The following UBOX5 variants were observed in gnomAD, a reference collection of about 807,000 sequenced individuals.
UBOX5 encodes the protein RING finger protein 37.
UBOX5 carries 28 observed loss-of-function variants against 39.0 expected under a neutral mutation model. That is an observed-to-expected ratio of 0.72 (90% CI 0.53 to 0.98). UBOX5 has a LOEUF of 0.98. UBOX5 is among the 50% of genes least tolerant of loss of function. The probability of loss-of-function intolerance (pLI) is 0.00; values close to 1 mark genes in which losing one functional copy is unlikely to be tolerated. For missense variants in UBOX5, 585 were observed against 674.4 expected (o/e 0.87, Z 1.47); for synonymous variants, 283 against 275.5 (o/e 1.03, Z -0.27).
chr20:3,125,109 C>A (rs2066370690), intron 1 of UBOX5, among the ~76,000 whole-genome samples: 2 of 149,908 alleles, frequency 1.3e-5, no homozygotes. Flanking sequence ...CTCTGCCCGG[C>A]CGCCCCGTCT....
intron 1 of UBOX5, among the ~76,000 whole-genome samples, chr20:3,138,505 T>C (rs1432307796): frequency 1.3e-5 from 2 of 152,104 alleles, no homozygotes; most frequent in Non-Finnish European, 2.9e-5. Flanking sequence ...CTGAGATTTA[T>C]GTTCAGAGTA....
At chr20:3,120,684 G>A (rs2066328402) in intron 3 of UBOX5, among the ~76,000 whole-genome samples, 2 of 151,680 alleles carry the variant, frequency 1.3e-5, no homozygotes, top group Non-Finnish European at 2.9e-5. Flanking sequence ...TTTACCTGGT[G>A]GATCCTGCCA....
Position 3,122,125 on chromosome 20 carries a change from G to A in UBOX5, c.514C>T (p.His172Tyr), listed in dbSNP as rs376891201. 5 of 1,614,136 alleles carry A rather than the reference G, an allele frequency of 3.1e-6. No homozygotes were observed. In the African/African-American group the frequency reaches 5.3e-5, roughly 17 times the overall value. The change falls in exon 3 of 5, where the codon CAC (histidine) becomes TAC (tyrosine). Residue 172 changes from histidine (H) to tyrosine (Y), a missense_variant. Coordinates refer to ENST00000217173, the MANE Select transcript of UBOX5 (RefSeq NM_014948.4). ...ACATGGGTGATACAGATCCTTAAGT[G>A]GGCCACGTGGCTAAGGGAAAGAGCC... Reference protein sequence around the residue: ...KGALSLSHVAHLRICITHVTG... With the variant: ...KGALSLSHVAYLRICITHVTG...
Position 3,122,281 on chromosome 20 carries a change from T to C in UBOX5, c.358A>G (p.Lys120Glu). 1 of 1,614,250 alleles carries C rather than the reference T, an allele frequency of 6.2e-7. No individual in the cohort carries two copies. The highest frequency in any genetic ancestry group is 1.1e-5 in the South Asian group (1 of 91,090). The change falls in exon 3 of 5, where the codon AAA (lysine) becomes GAA (glutamate). Residue 120 changes from lysine (K) to glutamate (E), a missense_variant. Coordinates refer to ENST00000217173, the MANE Select transcript of UBOX5 (RefSeq NM_014948.4). ...TGGCTCTGGTTTTTCAGTAAGACTT[T>C]GCCTACCAAGGTGAACGCCTCCTTG... ...PDKEAFTLVG[K>E]VLLKNQSQVV...
At chr20:3,151,525 C>G (rs980437377) in intron 1 of UBOX5, among the ~76,000 whole-genome samples, 2 of 151,986 alleles carry the variant, frequency 1.3e-5, no homozygotes, top group African/African-American at 4.8e-5. Flanking sequence ...AACTTGGCCA[C>G]GCCTATAATC....
intron 3 of UBOX5, chr20:3,116,466 A>G (rs1464096170): frequency 6.6e-6 from 1 of 152,218 alleles, no homozygotes; most frequent in Non-Finnish European, 1.5e-5. Context: ...AGGAGAATGG[A>G]AACTTTTGTC....
rs1190368875 is a variant in UBOX5, at chr20:3,108,934, A to AT, written c.*1171dup. On this transcript the variant is annotated 3_prime_UTR_variant, in exon 5 of 5. Transcript: ENST00000217173. ...GGCAACAGAGACCAACCCTGTCTCA[A>AT]TTAAAAAAAAAAAAAAAAAAGCAAC... 8.5e-5 allele frequency: 9 copies of AT among 105,574 alleles called. No homozygotes were observed. The highest frequency in any genetic ancestry group is 1.4e-4 in the Non-Finnish European group (7 of 50,822). 6.5% of individuals were successfully genotyped at this position (105,574 alleles called of 1,614,324 possible). A position where few individuals can be genotyped will look rare whatever the true frequency, so the allele number is the denominator to read the frequency against.
chr20:3,142,708 A>G (rs1481100272), intron 1 of UBOX5, among the ~76,000 whole-genome samples: 1 of 144,272 alleles, frequency 6.9e-6, no homozygotes, highest in Non-Finnish European at 1.5e-5. Context: ...GGGTGGCAGA[A>G]GCTGCAGTGA....
At chr20:3,121,166 A>G (rs1472901272) in intron 3 of UBOX5, among the ~76,000 whole-genome samples, 1 of 152,202 alleles carries the variant, frequency 6.6e-6, no homozygotes, top group Non-Finnish European at 1.5e-5. Context: ...GGAACAGATG[A>G]GAATAGACGA....
chr20:3,153,325 T>C (rs983534339), intron 1 of UBOX5, among the ~76,000 whole-genome samples: 4 of 152,240 alleles, frequency 2.6e-5, no homozygotes, highest in Non-Finnish European at 5.9e-5. Context: ...AAGATGGAAA[T>C]AACCAGAGCT....
intron 1 of UBOX5, among the ~76,000 whole-genome samples, chr20:3,158,429 T>C (rs1426859372): frequency 1.3e-5 from 2 of 152,212 alleles, no homozygotes; most frequent in East Asian, 3.8e-4. Flanking sequence ...TTAAGTTATG[T>C]TATGCAGCAC....
rs567444201 is a variant in UBOX5, at chr20:3,112,337, C to A, written c.1418-2023G>T. Among the ~76,000 whole-genome samples, 8 of 151,504 alleles carry A rather than the reference C, an allele frequency of 5.3e-5. No individual in the cohort carries two copies. In the East Asian group the frequency reaches 1.6e-3, roughly 29 times the overall value. ...CACACCTGGCACAACACCACAGAAG[C>A]ATGCAAGGGCCCCAATTGCCCCCAG... On this transcript the variant is annotated intron_variant, in intron 4 of 4. Coordinates refer to ENST00000217173, the MANE Select transcript of UBOX5 (RefSeq NM_014948.4).
At chr20:3,133,569 AG>A (rs1349466219) in intron 1 of UBOX5, among the ~76,000 whole-genome samples, 1 of 152,136 alleles carries the variant, frequency 6.6e-6, no homozygotes, top group Non-Finnish European at 1.5e-5. Context: ...GAAAAAAAAA[AG>A]AATATAAAAT....
intron 1 of UBOX5, among the ~76,000 whole-genome samples, chr20:3,152,682 C>T (rs543700847): frequency 2.0e-5 from 3 of 152,122 alleles, no homozygotes; most frequent in Non-Finnish European, 2.9e-5. Context: ...CCAAGGTGGG[C>T]GGACCACTTG....
rs2148595115 is a variant in UBOX5, at chr20:3,122,165, C to T, written c.474G>A (p.Glu158=). The stretch of plus-strand genomic sequence containing the variant: ...GGGAAAGAGCCCCTTTATTCCAGAG[C>T]TCCTGGGCCACAACAGCAGGGGAGG... ...TLPSPAVVAQ[E]LWNKGALSLS... The change falls in exon 3 of 5, where the codon GAG becomes GAA. Residue 158 remains glutamate (E), a synonymous_variant. Transcript: ENST00000217173. 1 of 1,614,094 alleles carries T rather than the reference C, an allele frequency of 6.2e-7. No homozygotes were observed. The highest frequency in any genetic ancestry group is 8.5e-7 in the Non-Finnish European group (1 of 1,179,998).
intron 3 of UBOX5, among the ~76,000 whole-genome samples, 154 bp from the exon 4 acceptor site, chr20:3,115,620 A>G (rs1458129661): frequency 4.6e-5 from 7 of 152,208 alleles, no homozygotes; most frequent in Non-Finnish European, 1.0e-4. Context: ...ACCATGACAG[A>G]ACACCGGGAG....
At chr20:3,135,719 C>T (rs2066465525) in intron 1 of UBOX5, among the ~76,000 whole-genome samples, 1 of 151,688 alleles carries the variant, frequency 6.6e-6, no homozygotes, top group African/African-American at 2.4e-5. Context: ...TATGTGAACA[C>T]ACAAACACAC....
chr20:3,156,306 G>A (rs1483521257), intron 1 of UBOX5, among the ~76,000 whole-genome samples: 1 of 151,328 alleles, frequency 6.6e-6, no homozygotes, highest in Non-Finnish European at 1.5e-5. Flanking sequence ...CTCCCAAGTA[G>A]CTGAGACTAA....
intron 1 of UBOX5, among the ~76,000 whole-genome samples, chr20:3,124,270 G>T (rs1250305611): frequency 1.3e-5 from 2 of 152,130 alleles, no homozygotes; most frequent in African/African-American, 4.8e-5. Context: ...GCCGAGGCTG[G>T]ACTGTACTGC....
Sources: gnomAD v4.1 joint callset for allele counts (sites outside exome capture counted in the v4.1 genomes callset) on GRCh38, gnomAD v4.1.1 for gene constraint, MANE v1.5 for transcripts, NCBI Gene and HGNC (gene_info 2026-07-23, HGNC 2026-07-21) for gene names.